OR2F1: variants seen among roughly 807,000 people sequenced by gnomAD.
OR2F1 encodes olfactory receptor family 2 subfamily F member 1.
For synonymous variants in OR2F1, 146 were observed against 155.3 expected (o/e 0.94, Z 0.44); for missense variants, 389 against 378.2 (o/e 1.03, Z -0.24).
chr7:143,964,289 T>TAACTAA lies in OR2F1; in HGVS notation c.*3365_*3366insAACTAA, dbSNP rs2050353286. On this transcript the variant is annotated 3_prime_UTR_variant, in exon 3 of 3. Transcript: ENST00000641412. Reference sequence around the variant, plus strand: ...AATTTAAAAAGACACTGAAAAGTATTTGAAAATAAAATATTTTTCATTAGT... The same window carrying TAACTAA: ...AATTTAAAAAGACACTGAAAAGTATTAACTAATGAAAATAAAATATTTTTCATTAGT... 1 of 152,126 alleles carries TAACTAA rather than the reference T, an allele frequency of 6.6e-6. No homozygotes were observed. Among genetic ancestry groups the TAACTAA allele is most frequent in the African/African-American group, 2.4e-5 (1 of 41,416 alleles). 9.4% of individuals were successfully genotyped at this position (152,126 alleles called of 1,614,324 possible). A position where few individuals can be genotyped will look rare whatever the true frequency, so the allele number is the denominator to read the frequency against.
In OR2F1 at chr7:143,962,489, G is replaced by A. The variant is rs2050337032; in HGVS notation, c.*1565G>A. 6.6e-6 allele frequency: 1 copy of A among 152,182 alleles called. No homozygotes were observed. Among genetic ancestry groups the A allele is most frequent in the African/African-American group, 2.4e-5 (1 of 41,432 alleles). The allele number at this position is 152,182 out of a possible 1,614,324, so 9.4% of individuals were successfully genotyped here. A position where few individuals can be genotyped will look rare whatever the true frequency, so the allele number is the denominator to read the frequency against. On this transcript the variant is annotated 3_prime_UTR_variant, in exon 3 of 3. Coordinates refer to ENST00000641412, the MANE Select transcript of OR2F1 (RefSeq NM_012369.3). ...GATGAAACAATGATAATGCATTGTG[G>A]TAAGTGTTACAGTGAAGGGGAGCCC... is the stretch of plus-strand genomic sequence containing the variant.
At chr7:143,959,205 G>A (rs1049399279) in intron 2 of OR2F1, 97 bp downstream of exon 2, 9 of 152,136 alleles carry the variant, frequency 5.9e-5, no homozygotes, top group Non-Finnish European at 8.8e-5. Flanking sequence ...CCAACACAGA[G>A]ATCATGTTAC....
intron 1 of OR2F1, among the ~76,000 whole-genome samples, chr7:143,956,882 G>A (rs1438527624): frequency 2.6e-5 from 4 of 152,028 alleles, no homozygotes. Flanking sequence ...AATAAAGGAA[G>A]AGAATGTATT....
Position 143,961,148 on chromosome 7 carries a change from C to A in OR2F1, c.*224C>A. On this transcript the variant is annotated 3_prime_UTR_variant, in exon 3 of 3. Coordinates refer to ENST00000641412, the MANE Select transcript of OR2F1 (RefSeq NM_012369.3). ...GATACTGCTGTTATAAAACCTCCCA[C>A]ACTTCTTCCACCTCCACTCTTACAG... The A allele has an allele frequency of 2.0e-6, 1 of 489,794 alleles. No homozygotes were observed. The highest frequency in any genetic ancestry group is 3.7e-6 in the Non-Finnish European group (1 of 270,662). 30.3% of individuals were successfully genotyped at this position (489,794 alleles called of 1,614,324 possible).
chr7:143,960,641 C>T lies in OR2F1; in HGVS notation c.671C>T (p.Thr224Ile), dbSNP rs762784688. Residue 224 changes from threonine (T) to isoleucine (I), a missense_variant, in exon 3 of 3, where the codon ACC becomes ATC. Thr to Ile is a moderately conservative substitution (Grantham distance 89, BLOSUM62 -1). Coordinates refer to ENST00000641412, the MANE Select transcript of OR2F1 (RefSeq NM_012369.3). ...TTGTCCTACATCCAGATCATCTCCA[C>T]CATCCTAAAGATCCAGTCCAGAGAA... ...VLLSYIQIIS[T>I]ILKIQSREGR... The T allele has an allele frequency of 1.2e-6, 2 of 1,614,018 alleles. No individual in the cohort carries two copies. Among genetic ancestry groups the T allele is most frequent in the African/African-American group, 2.7e-5 (2 of 74,906 alleles).
intron 1 of OR2F1, among the ~76,000 whole-genome samples, chr7:143,956,470 T>C (rs756790501): frequency 6.6e-6 from 1 of 152,160 alleles, no homozygotes; most frequent in African/African-American, 2.4e-5. Context: ...AAACACAGCA[T>C]ACTTGATGGG....
rs188165858 is a variant in OR2F1 at position 143,957,745 on chromosome 7, G to A, written c.-179-1208G>A. ...TAAACAATGGACACCTGCCTGTTTC[G>A]GCACTTCTGTAGCTTTAGTCCTTCA... On this transcript the variant is annotated intron_variant, in intron 1 of 2. Transcript: ENST00000641412. Among the ~76,000 whole-genome samples the A allele has an allele frequency of 5.9e-5, 9 of 152,236 alleles. No individual in the cohort carries two copies. In the East Asian group the frequency reaches 1.7e-3, roughly 29 times the overall value.
chr7:143,958,790 CAAAAGTAAGAAGGGA>C (rs2050303053), intron 1 of OR2F1, among the ~76,000 whole-genome samples, 148 bp from the exon 2 acceptor site: 1 of 151,950 alleles, frequency 6.6e-6, no homozygotes, highest in African/African-American at 2.4e-5. Context: ...ACTTGCTGAG[CAAAAGTAAGAAGGGA>C]ATCTCCATTC....
In OR2F1 at chr7:143,959,993, G is replaced by C; in HGVS notation, c.23G>C (p.Trp8Ser). 1 of 1,609,844 alleles carries C rather than the reference G, an allele frequency of 6.2e-7. No homozygotes were observed. The highest frequency in any genetic ancestry group is 8.5e-7 in the Non-Finnish European group (1 of 1,177,454). MGTDNQT[W>S]VSEFILLGLS... ...TTAATGGGAACAGATAACCAGACTT[G>C]GGTGAGTGAATTTATTCTCCTCGGC... Residue 8 changes from tryptophan (W) to serine (S), a missense_variant, in exon 3 of 3, where the codon TGG (tryptophan) becomes TCG (serine). Physicochemically the swap from Trp to Ser is radical, Grantham distance 177. Coordinates refer to ENST00000641412, the MANE Select transcript of OR2F1 (RefSeq NM_012369.3).
intron 1 of OR2F1, among the ~76,000 whole-genome samples, chr7:143,957,473 G>A (rs1433559080): frequency 1.3e-5 from 2 of 152,136 alleles, no homozygotes; most frequent in African/African-American, 2.4e-5. Flanking sequence ...TACAGTCTCA[G>A]GAATAAATAT....
In OR2F1 at chr7:143,961,881, C is replaced by T. The variant is rs1006757312; in HGVS notation, c.*957C>T. 1 of 152,172 alleles carries T rather than the reference C, an allele frequency of 6.6e-6. No individual in the cohort carries two copies. The highest frequency in any genetic ancestry group is 2.4e-5 in the African/African-American group (1 of 41,446). The allele number at this position is 152,172 out of a possible 1,614,324, so 9.4% of individuals were successfully genotyped here. Reference sequence around the variant, plus strand: ...CGTCAAGGAAGGTCAGTCAACTATGCAAATGTTACCCTCAAGTCTTCACAT... The same window carrying T: ...CGTCAAGGAAGGTCAGTCAACTATGTAAATGTTACCCTCAAGTCTTCACAT... On this transcript the variant is annotated 3_prime_UTR_variant, in exon 3 of 3. Coordinates refer to ENST00000641412, the MANE Select transcript of OR2F1 (RefSeq NM_012369.3).
chr7:143,955,354 T>A (rs1010415899), intron 1 of OR2F1, among the ~76,000 whole-genome samples: 1 of 152,172 alleles, frequency 6.6e-6, no homozygotes, highest in Non-Finnish European at 1.5e-5. Context: ...TTTACTATTA[T>A]GTGATGTAAA....
At chr7:143,957,532 G>T (rs2050293950) in intron 1 of OR2F1, among the ~76,000 whole-genome samples, 1 of 152,130 alleles carries the variant, frequency 6.6e-6, no homozygotes, top group Non-Finnish European at 1.5e-5. Flanking sequence ...GATGTGAAAT[G>T]AAGGGGTATT....
chr7:143,955,149 A>G (rs745600105), intron 1 of OR2F1, 46 bp downstream of exon 1: 1 of 152,206 alleles, frequency 6.6e-6, no homozygotes, highest in Non-Finnish European at 1.5e-5. Context: ...AATTGTATAT[A>G]TTTATGGCAT....
rs974251182 is a variant in OR2F1 at position 143,961,562 on chromosome 7, T to C, written c.*638T>C. 10 of 152,544 alleles carry C rather than the reference T, an allele frequency of 6.6e-5. No individual in the cohort carries two copies. The highest frequency in any genetic ancestry group is 2.4e-4 in the African/African-American group (10 of 41,428). 9.4% of individuals were successfully genotyped at this position (152,544 alleles called of 1,614,324 possible). ...CCTCGATAGGGTGACAGTCAATGGT[T>C]GTTTGTACTGAAGACAATTATTGAC... is the stretch of plus-strand genomic sequence containing the variant. On this transcript the variant is annotated 3_prime_UTR_variant, in exon 3 of 3. Coordinates refer to ENST00000641412, the MANE Select transcript of OR2F1 (RefSeq NM_012369.3).
In OR2F1 at chr7:143,959,943, C is replaced by A; in HGVS notation, c.-23-5C>A. ...GCTTCTGTTTTTTTCTGACTCCCTT[C>A]ACAGATTAATAATCCTTGAATATTT... On this transcript the variant is annotated splice_polypyrimidine_tract_variant and splice_region_variant and intron_variant, in intron 2 of 2. Coordinates refer to ENST00000641412, the MANE Select transcript of OR2F1 (RefSeq NM_012369.3). 6.6e-7 allele frequency: 1 copy of A among 1,525,346 alleles called. No homozygotes were observed. The highest frequency in any genetic ancestry group is 8.9e-7 in the Non-Finnish European group (1 of 1,123,258). The allele number at this position is 1,525,346 out of a possible 1,614,324, so 94.5% of individuals were successfully genotyped here.
chr7:143,959,529 G>T (rs2116936590), intron 2 of OR2F1, among the ~76,000 whole-genome samples: 1 of 152,212 alleles, frequency 6.6e-6, no homozygotes, highest in South Asian at 2.1e-4. Flanking sequence ...CTTTCCTTTT[G>T]TAGTAGATTT....
chr7:143,960,346 G>A lies in OR2F1; in HGVS notation c.376G>A (p.Val126Met). The change falls in exon 3 of 3, where the codon GTG becomes ATG. Residue 126 changes from valine to methionine, a missense_variant. Transcript: ENST00000641412. ...GATGGCCTATGACCGCTATGTGGCT[G>A]TGTGTGATGCCCTGCGATACTCGGC... ...AVMAYDRYVA[V>M]CDALRYSAIM... 3 of 1,614,160 alleles carry A rather than the reference G, an allele frequency of 1.9e-6. No homozygotes were observed. The highest frequency in any genetic ancestry group is 3.3e-5 in the Admixed American group (2 of 60,006).
In OR2F1 at chr7:143,960,681, T is replaced by C. The variant is rs767548533; in HGVS notation, c.711T>C (p.Ala237=). 10 of 1,613,948 alleles carry C rather than the reference T, an allele frequency of 6.2e-6. No homozygotes were observed. Among genetic ancestry groups the C allele is most frequent in the African/African-American group, 2.7e-5 (2 of 74,896 alleles). ...AGTCCAGAGAAGGAAGAAAGAAAGC[T>C]TTCCACACGTGTGCCTCTCACCTCA... ...KIQSREGRKK[A]FHTCASHLTV... is the part of the protein sequence containing the mutation. Residue 237 remains alanine, a synonymous_variant, in exon 3 of 3, where the codon GCT becomes GCC. Transcript: ENST00000641412.
Sources: gnomAD v4.1 joint callset for allele counts (sites outside exome capture counted in the v4.1 genomes callset) on GRCh38, gnomAD v4.1.1 for gene constraint, MANE v1.5 for transcripts, NCBI Gene and HGNC (gene_info 2026-07-23, HGNC 2026-07-21) for gene names.